The following ZHX2 variants were observed in gnomAD, a reference collection of about 807,000 sequenced individuals.
The protein encoded by ZHX2 is zinc fingers and homeoboxes 2.
ZHX2 carries 6 observed loss-of-function variants against 21.9 expected under a neutral mutation model. That is an observed-to-expected ratio of 0.27 (90% CI 0.15 to 0.54). The LOEUF is 0.54. ZHX2 is among the 20% of genes least tolerant of loss of function. The probability of loss-of-function intolerance (pLI) is 0.95; values close to 1 mark genes in which losing one functional copy is unlikely to be tolerated. For synonymous variants in ZHX2, 434 were observed against 437.1 expected (o/e 0.99, Z 0.09); for missense variants, 908 against 1,090.7 (o/e 0.83, Z 2.36).
chr8:122,805,406 G>A (rs748061407), intron 1 of ZHX2, among the ~76,000 whole-genome samples: 5 of 152,090 alleles, frequency 3.3e-5, no homozygotes, highest in Non-Finnish European at 7.4e-5. Flanking sequence ...GTGGCCACTC[G>A]AAATCTGAGT....
intron 2 of ZHX2, among the ~76,000 whole-genome samples, chr8:122,927,502 A>T (rs1250562049): frequency 6.6e-6 from 1 of 152,182 alleles, no homozygotes. Context: ...CTTAAAAAAA[A>T]AATACCCAAA....
intron 1 of ZHX2, among the ~76,000 whole-genome samples, chr8:122,858,087 C>T (rs925524086): frequency 1.3e-5 from 2 of 152,176 alleles, no homozygotes; most frequent in African/African-American, 4.8e-5. Flanking sequence ...GGGCCGAGCT[C>T]GGGCCCCACG....
intron 2 of ZHX2, among the ~76,000 whole-genome samples, chr8:122,930,449 T>TG (rs1463644696): frequency 1.3e-5 from 2 of 152,086 alleles, no homozygotes; most frequent in Non-Finnish European, 2.9e-5. Context: ...TTAGAACCCT[T>TG]CCACATGGGA....
intron 1 of ZHX2, among the ~76,000 whole-genome samples, chr8:122,833,736 C>T (rs1238019954): frequency 2.0e-5 from 3 of 152,146 alleles, no homozygotes; most frequent in Non-Finnish European, 4.4e-5. Flanking sequence ...GTGGCTCACG[C>T]CTGTAATCCC....
At chr8:122,931,364 AG>A (rs769731690) in intron 2 of ZHX2, among the ~76,000 whole-genome samples, 14 of 152,212 alleles carry the variant, frequency 9.2e-5, no homozygotes, top group African/African-American at 4.8e-5. Context: ...ACCTGCCACA[AG>A]ACATTCATCT....
chr8:122,821,511 C>A (rs777720063), intron 1 of ZHX2, among the ~76,000 whole-genome samples: 18 of 151,322 alleles, frequency 1.2e-4, no homozygotes, highest in Non-Finnish European at 1.9e-4. Flanking sequence ...TCCTTTGGAG[C>A]CTCATTTGAA....
At chr8:122,939,309 C>T (rs1563594501) in intron 2 of ZHX2, among the ~76,000 whole-genome samples, 1 of 152,218 alleles carries the variant, frequency 6.6e-6, no homozygotes, top group Non-Finnish European at 1.5e-5. Context: ...GTCTCCCACT[C>T]AGGAGCCTGA....
At chr8:122,882,406 T>C (rs1339161893) in intron 2 of ZHX2, among the ~76,000 whole-genome samples, 2 of 152,156 alleles carry the variant, frequency 1.3e-5, no homozygotes, top group African/African-American at 4.8e-5. Flanking sequence ...AATGTGGTTC[T>C]TTGCCTCTAC....
intron 2 of ZHX2, among the ~76,000 whole-genome samples, chr8:122,927,659 C>A (rs1160342673): frequency 6.6e-6 from 1 of 152,166 alleles, no homozygotes; most frequent in Non-Finnish European, 1.5e-5. Flanking sequence ...CTTTATAAAA[C>A]CATCAGATCT....
chr8:122,858,157 G>A (rs1819074340), intron 1 of ZHX2, among the ~76,000 whole-genome samples: 1 of 152,124 alleles, frequency 6.6e-6, no homozygotes, highest in South Asian at 2.1e-4. Context: ...TTCTGGTCTG[G>A]GCTGGCTCCA....
chr8:122,951,664 G>C lies in ZHX2; in HGVS notation c.154G>C (p.Glu52Gln). 6.2e-7 allele frequency: 1 copy of C among 1,613,968 alleles called. No homozygotes were observed. The highest frequency in any genetic ancestry group is 8.5e-7 in the Non-Finnish European group (1 of 1,179,976). Residue 52 changes from glutamate (E) to glutamine (Q), a missense_variant, in exon 3 of 4, where the codon GAA becomes CAA. Physicochemically the swap from Glu to Gln is conservative, Grantham distance 29. This residue lies in a region of ZHX2 where 220 missense variants were observed against 251.4 expected (regional missense o/e 0.88). Transcript: ENST00000314393. ...CAAGGACAGTTGGGCAGCAGAACTT[G>C]AAAACTCTTCCAAAGAAAACGAAGT... Reference protein sequence around the residue: ...VAKDSWAAELENSSKENEVIE... With the variant: ...VAKDSWAAELQNSSKENEVIE...
At chr8:122,843,454 G>A (rs984217239) in intron 1 of ZHX2, among the ~76,000 whole-genome samples, 1 of 152,218 alleles carries the variant, frequency 6.6e-6, no homozygotes, top group Non-Finnish European at 1.5e-5. Flanking sequence ...TTTCTGGTTA[G>A]AGGAGCCTTT....
rs1267753695 is a variant in ZHX2, at chr8:122,782,107, T to C, written c.-283+161T>C. 1.2e-5 allele frequency among the ~76,000 whole-genome samples: 1 copy of C among 84,930 alleles called. No individual in the cohort carries two copies. Among genetic ancestry groups the C allele is most frequent in the Admixed American group, 1.3e-4 (1 of 7,690 alleles). The allele number at this position is 84,930 out of a possible 152,430, so 55.7% of individuals were successfully genotyped here. ...TAATGGGACTTGGCCGGGTTTGTGA[T>C]TGGAAGGGGGGTACGGAAGGGGGGG... On this transcript the variant is annotated intron_variant, in intron 1 of 3. Transcript: ENST00000314393. The surrounding 1 kb of genome is among the most constrained non-coding windows in gnomAD (Gnocchi z 5.3).
chr8:122,962,273 C>T (rs1295419463), intron 3 of ZHX2, among the ~76,000 whole-genome samples: 1 of 152,170 alleles, frequency 6.6e-6, no homozygotes, highest in East Asian at 1.9e-4. Context: ...ATCCCTGACC[C>T]CCCTCTCATC....
rs146442413 is a variant in ZHX2, at chr8:122,796,955, C to T, written c.-283+15009C>T. ...TCCAGTAAGGAAAGATTTGTGTCCT[C>T]CCATCAGGCAGATGCAGGCCGGCCA... On this transcript the variant is annotated intron_variant, in intron 1 of 3. Coordinates refer to ENST00000314393, the MANE Select transcript of ZHX2 (RefSeq NM_014943.5). Among the ~76,000 whole-genome samples the T allele has an allele frequency of 2.1e-3, 316 of 152,304 alleles. 2 individuals carry two copies. The highest frequency in any genetic ancestry group is 7.4e-3 in the African/African-American group (306 of 41,566).
chr8:122,969,114 T>C (rs1813657079), intron 3 of ZHX2, among the ~76,000 whole-genome samples: 1 of 151,568 alleles, frequency 6.6e-6, no homozygotes, highest in Non-Finnish European at 1.5e-5. Flanking sequence ...TGAGCCAAGA[T>C]CATGCCACTG....
intron 3 of ZHX2, among the ~76,000 whole-genome samples, chr8:122,966,241 A>G (rs757113454): frequency 2.4e-4 from 37 of 151,982 alleles, no homozygotes; most frequent in Non-Finnish European, 3.1e-4. Context: ...TTACTGTTTC[A>G]TAGGTCCAAT....
chr8:122,866,730 T>C (rs1819307489), intron 2 of ZHX2, among the ~76,000 whole-genome samples: 2 of 152,214 alleles, frequency 1.3e-5, no homozygotes, highest in Non-Finnish European at 2.9e-5. Flanking sequence ...GGAAAGAGTA[T>C]GCTGCAGTGG....
chr8:122,923,198 C>T (rs547221478), intron 2 of ZHX2, among the ~76,000 whole-genome samples: 37 of 152,336 alleles, frequency 2.4e-4, no homozygotes, highest in African/African-American at 8.2e-4. Flanking sequence ...CAGAAGTTTA[C>T]GATTATTATA....
Sources: allele counts gnomAD v4.1 joint callset (sites outside exome capture counted in the v4.1 genomes callset), GRCh38; gene constraint gnomAD v4.1.1; regional missense constraint gnomAD v4.1.1; non-coding constraint Gnocchi (gnomAD v3.1); transcripts MANE v1.5; gene names NCBI Gene and HGNC (gene_info 2026-07-23, HGNC 2026-07-21).